DTL: variants seen among roughly 807,000 people sequenced by gnomAD.
DTL encodes denticleless E3 ubiquitin protein ligase adapter, also known as denticleless protein homolog.
In DTL, 46 loss-of-function variants were observed where a neutral mutation model predicts 87.0. The ratio of observed to expected loss-of-function variants is 0.53; its 90% CI spans 0.42 to 0.68. The LOEUF (loss-of-function observed/expected upper bound fraction) is 0.68, where lower values mean the gene tolerates loss of function less well. Ranked by LOEUF, DTL falls within the 30% of genes least tolerant of loss-of-function variation. DTL has a pLI of 0.00. For synonymous variants in DTL, 308 were observed against 311.2 expected (o/e 0.99, Z 0.11); for missense variants, 737 against 869.4 (o/e 0.85, Z 1.91).
At chr1:212,096,461 T>G (rs1023702764) in intron 13 of DTL, among the ~76,000 whole-genome samples, 3 of 152,222 alleles carry the variant, frequency 2.0e-5, no homozygotes, top group Non-Finnish European at 4.4e-5. Flanking sequence ...AGGTGTGACC[T>G]TAGATTGTCA....
intron 13 of DTL, among the ~76,000 whole-genome samples, chr1:212,088,719 G>T (rs1334568368): frequency 6.6e-6 from 1 of 152,244 alleles, no homozygotes; most frequent in African/African-American, 2.4e-5. Flanking sequence ...GTAGTGTCCT[G>T]TAACGTGATC....
At chr1:212,101,142 G>T in intron 14 of DTL, 58 bp downstream of exon 14, 1 of 1,162,422 alleles carries the variant, frequency 8.6e-7, no homozygotes, top group Non-Finnish European at 1.2e-6. Flanking sequence ...CAGACACCCA[G>T]ATGTCTCAAG....
intron 10 of DTL, among the ~76,000 whole-genome samples, chr1:212,071,665 A>G (rs985795201): frequency 6.6e-6 from 1 of 152,228 alleles, no homozygotes; most frequent in African/African-American, 2.4e-5. Context: ...CTAGTGAGGA[A>G]AAAGTAAGAT....
At chr1:212,082,945 A>G (rs1655029353) in intron 13 of DTL, among the ~76,000 whole-genome samples, 1 of 152,214 alleles carries the variant, frequency 6.6e-6, no homozygotes, top group African/African-American at 2.4e-5. Flanking sequence ...GTAGAGAGCT[A>G]GATTTAACCA....
intron 14 of DTL, among the ~76,000 whole-genome samples, chr1:212,101,919 G>C (rs1017789559): frequency 1.3e-5 from 2 of 152,176 alleles, no homozygotes; most frequent in Non-Finnish European, 2.9e-5. Flanking sequence ...AGCTTCTGTT[G>C]TTTGCATGTG....
At chr1:212,090,239 A>G (rs1388591842) in intron 13 of DTL, among the ~76,000 whole-genome samples, 1 of 152,196 alleles carries the variant, frequency 6.6e-6, no homozygotes, top group Non-Finnish European at 1.5e-5. Context: ...TTTAGGCAAA[A>G]GTCAATTTGT....
intron 8 of DTL, among the ~76,000 whole-genome samples, chr1:212,067,582 A>G (rs918933729): frequency 1.3e-5 from 2 of 152,186 alleles, no homozygotes; most frequent in African/African-American, 4.8e-5. Flanking sequence ...TCCTCTGGGC[A>G]CTAAAACCCT....
chr1:212,086,285 C>T (rs906102851), intron 13 of DTL, among the ~76,000 whole-genome samples: 1 of 152,044 alleles, frequency 6.6e-6, no homozygotes, highest in Admixed American at 6.6e-5. Context: ...GTACTTTTCT[C>T]TCTCTCATTT....
At chr1:212,050,002 C>A (rs1667916223) in intron 5 of DTL, among the ~76,000 whole-genome samples, 2 of 3,156 alleles carry the variant, frequency 6.3e-4, no homozygotes, top group Admixed American at 0.016. Context: ...CATAGTGAGA[C>A]CCTATAAGAA....
chr1:212,092,800 A>G (rs1264232092), intron 13 of DTL, among the ~76,000 whole-genome samples: 5 of 152,062 alleles, frequency 3.3e-5, no homozygotes, highest in Non-Finnish European at 5.9e-5. Flanking sequence ...GGATTGCTGG[A>G]TCAAATGGTA....
intron 5 of DTL, among the ~76,000 whole-genome samples, chr1:212,049,142 C>T (rs1453749827): frequency 6.6e-6 from 1 of 152,126 alleles, no homozygotes; most frequent in Admixed American, 6.5e-5. Context: ...AGGTTGGTCT[C>T]GAACTCCTAA....
intron 3 of DTL, among the ~76,000 whole-genome samples, chr1:212,046,014 G>A (rs1204911618): frequency 2.0e-5 from 3 of 152,142 alleles, no homozygotes; most frequent in Non-Finnish European, 4.4e-5. Flanking sequence ...GGCCTCAAGT[G>A]ATCTGCCTGT....
At chr1:212,056,781 C>T (rs557127832) in intron 5 of DTL, among the ~76,000 whole-genome samples, 1 of 152,020 alleles carries the variant, frequency 6.6e-6, no homozygotes, top group East Asian at 1.9e-4. Context: ...GAGGAATCTA[C>T]CAAAGAGATA....
chr1:212,099,110 C>G (rs1412515233), intron 13 of DTL, among the ~76,000 whole-genome samples: 1 of 152,196 alleles, frequency 6.6e-6, no homozygotes, highest in African/African-American at 2.4e-5. Context: ...GCTGCTTCTA[C>G]TTTTATATTT....
At chr1:212,086,734 T>C (rs1198744470) in intron 13 of DTL, among the ~76,000 whole-genome samples, 1 of 152,234 alleles carries the variant, frequency 6.6e-6, no homozygotes, top group Non-Finnish European at 1.5e-5. Flanking sequence ...TTTCAAATAC[T>C]ACACTTGAGT....
chr1:212,100,624 C>CT lies in DTL; in HGVS notation c.1635dup (p.Glu546Ter). Reference sequence around the variant, plus strand: ...AAGTCATCCCAAGCAGAGGCTTGCTCTGAGTCTAGAAATAGAGTAAAGAGG... The same window carrying CT: ...AAGTCATCCCAAGCAGAGGCTTGCTCTTGAGTCTAGAAATAGAGTAAAGAGG... On this transcript the variant is annotated frameshift_variant, in exon 14 of 15. Coordinates refer to ENST00000366991, the MANE Select transcript of DTL (RefSeq NM_016448.4). LOFTEE classifies it high-confidence loss of function. 6.2e-7 allele frequency: 1 copy of CT among 1,614,060 alleles called. No individual in the cohort carries two copies. Among genetic ancestry groups the CT allele is most frequent in the Non-Finnish European group, 8.5e-7 (1 of 1,180,016 alleles).
At chr1:212,075,069 T>C (rs950557039) in intron 11 of DTL, among the ~76,000 whole-genome samples, 1 of 152,224 alleles carries the variant, frequency 6.6e-6, no homozygotes, top group Non-Finnish European at 1.5e-5. Flanking sequence ...GGCATAGTCA[T>C]TCTACCACTG....
At chr1:212,056,922 CTT>C (rs1204575632) in intron 5 of DTL, among the ~76,000 whole-genome samples, 4 of 152,002 alleles carry the variant, frequency 2.6e-5, no homozygotes, top group African/African-American at 4.8e-5. Flanking sequence ...TTTTGAAGAT[CTT>C]TTAAAATAAC....
In DTL at chr1:212,104,008, T is replaced by C. The variant is rs1384931879; in HGVS notation, c.*1068T>C. The C allele has an allele frequency of 6.6e-6, 1 of 152,200 alleles. No homozygotes were observed. Among genetic ancestry groups the C allele is most frequent in the African/African-American group, 2.4e-5 (1 of 41,462 alleles). The allele number at this position is 152,200 out of a possible 1,614,324, so 9.4% of individuals were successfully genotyped here. ...AGCCAAAAAGTAATAGAATTTTCTC[T>C]AGATATTTAATACAGAGAGTGTATA... On this transcript the variant is annotated 3_prime_UTR_variant, in exon 15 of 15. Transcript: ENST00000366991.
Sources: gnomAD v4.1 joint callset for allele counts (sites outside exome capture counted in the v4.1 genomes callset) on GRCh38, gnomAD v4.1.1 for gene constraint, MANE v1.5 for transcripts, NCBI Gene and HGNC (gene_info 2026-07-23, HGNC 2026-07-21) for gene names.